The following HAPSTR1 variants were observed in gnomAD, a reference collection of about 807,000 sequenced individuals.
HAPSTR1 encodes the protein HUWE1-associated protein modifying stress responses 1.
At chr16:9,095,291 T>C in the HAPSTR1 span, among the ~76,000 whole-genome samples, 762 of 152,306 alleles carry the variant, frequency 5.0e-3, 4 homozygotes, top group African/African-American at 0.017. Flanking sequence ...GTGTGGTCTT[T>C]AGAGAACAGG....
chr16:9,095,585 C>A, the HAPSTR1 span, among the ~76,000 whole-genome samples: 1 of 151,846 alleles, frequency 6.6e-6, no homozygotes, highest in Non-Finnish European at 1.5e-5. Context: ...TTGATAACTA[C>A]CAAGAAGTTC....
the HAPSTR1 span, chr16:9,104,046 A>G: frequency 1.3e-5 from 2 of 152,176 alleles, no homozygotes; most frequent in Non-Finnish European, 2.9e-5. Context: ...GCTTGAAACC[A>G]TGATGGAAAG....
chr16:9,097,521 G>A, the HAPSTR1 span, among the ~76,000 whole-genome samples: 1 of 152,212 alleles, frequency 6.6e-6, no homozygotes, highest in Non-Finnish European at 1.5e-5. Flanking sequence ...ATAACTGTGA[G>A]CCACCATACC....
the HAPSTR1 span, among the ~76,000 whole-genome samples, chr16:9,096,146 T>G: frequency 6.6e-6 from 1 of 152,202 alleles, no homozygotes; most frequent in Admixed American, 6.5e-5. Context: ...TTCACCATTG[T>G]GCTCCTTGAC....
chr16:9,096,184 C>A, the HAPSTR1 span, among the ~76,000 whole-genome samples: 3 of 152,116 alleles, frequency 2.0e-5, no homozygotes, highest in African/African-American at 7.2e-5. Flanking sequence ...GGATAACTAC[C>A]ACAGATTCTA....
the HAPSTR1 span, among the ~76,000 whole-genome samples, chr16:9,099,418 C>T: frequency 1.3e-5 from 2 of 152,270 alleles, no homozygotes; most frequent in South Asian, 2.1e-4. Context: ...ATCTCGAACT[C>T]CTGGCTTCAA....
At chr16:9,092,892 GTTTT>G in the HAPSTR1 span, 11 of 1,267,700 alleles carry the variant, frequency 8.7e-6, no homozygotes, top group Admixed American at 4.6e-5. Context: ...TTTCTTTTTG[GTTTT>G]TTTTTTTTTT....
the HAPSTR1 span, chr16:9,118,579 C>G: frequency 6.6e-6 from 1 of 152,542 alleles, no homozygotes; most frequent in Non-Finnish European, 1.5e-5. Flanking sequence ...GATTTCTAAA[C>G]TTTTGCGAAA....
At chr16:9,117,779 G>C in the HAPSTR1 span, 2 of 152,542 alleles carry the variant, frequency 1.3e-5, no homozygotes, top group African/African-American at 4.8e-5. Context: ...ATTAGTGAGA[G>C]GGAGAGGGAG....
the HAPSTR1 span, chr16:9,120,565 T>G: frequency 6.6e-6 from 1 of 152,164 alleles, no homozygotes; most frequent in African/African-American, 2.4e-5. Flanking sequence ...CCCTCATTTT[T>G]TTTTTATTTA....
At chr16:9,092,263 C>A in the HAPSTR1 span, 1 of 1,552,500 alleles carries the variant, frequency 6.4e-7, no homozygotes, top group South Asian at 1.2e-5. Flanking sequence ...TGGCCCAGCT[C>A]TACAAAGGTG....
chr16:9,102,155 G>A, the HAPSTR1 span, among the ~76,000 whole-genome samples: 2 of 152,180 alleles, frequency 1.3e-5, no homozygotes, highest in African/African-American at 4.8e-5. Flanking sequence ...AAAAGTAATA[G>A]AGAAATGTAC....
the HAPSTR1 span, chr16:9,103,572 A>G: frequency 0.022 from 5,195 of 238,484 alleles, 97 homozygotes; most frequent in Middle Eastern, 0.053. Context: ...CCTCTTCTGA[A>G]GTCAAAGAGG....
chr16:9,111,949 T>C, the HAPSTR1 span: 2 of 152,344 alleles, frequency 1.3e-5, no homozygotes, highest in East Asian at 3.9e-4. Context: ...CGTGAGCAAT[T>C]TTCCCATGAC....
At chr16:9,105,512 A>T in the HAPSTR1 span, 1 of 152,226 alleles carries the variant, frequency 6.6e-6, no homozygotes, top group Non-Finnish European at 1.5e-5. Flanking sequence ...ATTTAAAGAA[A>T]GTAATTTGAA....
the HAPSTR1 span, among the ~76,000 whole-genome samples, chr16:9,115,199 G>A: frequency 6.6e-6 from 1 of 152,080 alleles, no homozygotes; most frequent in African/African-American, 2.4e-5. Flanking sequence ...AACGCCAAGG[G>A]GAATGTAATA....
At chr16:9,109,806 C>T in the HAPSTR1 span, 2 of 151,684 alleles carry the variant, frequency 1.3e-5, no homozygotes, top group Non-Finnish European at 2.9e-5. Flanking sequence ...TTTTTTTAAG[C>T]AGTACTTTGT....
At chr16:9,094,303 G>A in the HAPSTR1 span, among the ~76,000 whole-genome samples, 13 of 152,146 alleles carry the variant, frequency 8.5e-5, no homozygotes, top group African/African-American at 2.9e-4. Context: ...TTATATAGCT[G>A]TTTGTTAAAT....
chr16:9,114,910 GCTT>G, the HAPSTR1 span, among the ~76,000 whole-genome samples: 39 of 152,206 alleles, frequency 2.6e-4, no homozygotes, highest in Admixed American at 2.0e-4. Flanking sequence ...TCATGTTAAT[GCTT>G]CTATTTTTTA....
Sources: allele counts gnomAD v4.1 joint callset (sites outside exome capture counted in the v4.1 genomes callset), GRCh38; gene constraint gnomAD v4.1.1; transcripts MANE v1.5; gene names NCBI Gene and HGNC (gene_info 2026-07-23, HGNC 2026-07-21).